The following PCDH7 variants were observed in gnomAD, a reference collection of about 807,000 sequenced individuals.
The protein encoded by PCDH7 is protocadherin-7.
PCDH7 carries 17 observed loss-of-function variants against 58.9 expected under a neutral mutation model. That is an observed-to-expected ratio of 0.29 (90% CI 0.20 to 0.43). The LOEUF is 0.43. Ranked by LOEUF, PCDH7 falls within the 20% of genes least tolerant of loss-of-function variation. PCDH7 has a pLI of 1.00. For synonymous variants in PCDH7, 664 were observed against 616.4 expected, an observed-to-expected ratio of 1.08 and a Z score of -1.14; for missense variants, 1,274 against 1,441.0, an observed-to-expected ratio of 0.88 and a Z score of 1.88.
intron 3 of PCDH7, among the ~76,000 whole-genome samples, chr4:31,103,685 A>C (rs142574798): frequency 6.6e-6 from 1 of 152,062 alleles, no homozygotes; most frequent in Non-Finnish European, 1.5e-5. Context: ...GCTGACTGTC[A>C]CCACTGTCTT....
intron 3 of PCDH7, among the ~76,000 whole-genome samples, chr4:31,121,802 C>G (rs980673787): frequency 6.6e-6 from 1 of 152,046 alleles, no homozygotes; most frequent in Non-Finnish European, 1.5e-5. Context: ...CTTGGTGATT[C>G]ATCTGTAAGG....
chr4:30,983,665 A>G (rs1423429082), intron 3 of PCDH7, among the ~76,000 whole-genome samples: 2 of 152,224 alleles, frequency 1.3e-5, no homozygotes, highest in East Asian at 3.8e-4. Context: ...TATGTGGCTT[A>G]GTACAAATCA....
intron 3 of PCDH7, among the ~76,000 whole-genome samples, chr4:31,079,753 A>G (rs1430372500): frequency 5.3e-5 from 8 of 152,100 alleles, no homozygotes; most frequent in Admixed American, 5.2e-4. Context: ...AACGGTGTTA[A>G]CTGCAGCTTT....
intron 3 of PCDH7, among the ~76,000 whole-genome samples, chr4:31,119,533 G>A (rs550847231): frequency 1.1e-3 from 169 of 152,248 alleles, no homozygotes; most frequent in African/African-American, 3.6e-3. Flanking sequence ...TAGAGCAGGA[G>A]TGAAAGTTTA....
chr4:30,938,535 G>C (rs1474259436), intron 2 of PCDH7, among the ~76,000 whole-genome samples: 1 of 151,644 alleles, frequency 6.6e-6, no homozygotes, highest in Admixed American at 6.6e-5. Context: ...AGCCTTGATA[G>C]GCTAGGCCAA....
intron 1 of PCDH7, among the ~76,000 whole-genome samples, chr4:30,837,130 T>C (rs1447370): frequency 0.035 from 5,247 of 152,084 alleles, 215 homozygotes; most frequent in African/African-American, 0.097. Flanking sequence ...ATTGAATCAA[T>C]GATTGTATGA....
intron 3 of PCDH7, among the ~76,000 whole-genome samples, chr4:31,048,393 C>T (rs1434031717): frequency 6.6e-6 from 1 of 152,064 alleles, no homozygotes; most frequent in Non-Finnish European, 1.5e-5. Context: ...ATAAAGATTA[C>T]ATCCCACTAA....
chr4:31,074,135 A>T (rs1248420940), intron 3 of PCDH7, among the ~76,000 whole-genome samples: 1 of 151,886 alleles, frequency 6.6e-6, no homozygotes, highest in Non-Finnish European at 1.5e-5. Context: ...TGTACTCTGC[A>T]ACCCCAAAAC....
intron 3 of PCDH7, among the ~76,000 whole-genome samples, chr4:30,981,246 A>G (rs1279311351): frequency 6.6e-6 from 1 of 152,198 alleles, no homozygotes; most frequent in East Asian, 1.9e-4. Flanking sequence ...TTATTTGTAG[A>G]TTATTATTGA....
chr4:31,061,787 A>G (rs4438724), intron 3 of PCDH7, among the ~76,000 whole-genome samples: 82,192 of 151,426 alleles, frequency 0.54, 23,407 homozygotes, highest in African/African-American at 0.72. Flanking sequence ...ACTGATTTTC[A>G]TTGAAATGAT....
intron 3 of PCDH7, among the ~76,000 whole-genome samples, chr4:31,126,397 C>T (rs1038021988): frequency 1.2e-4 from 19 of 152,024 alleles, no homozygotes; most frequent in African/African-American, 3.4e-4. Flanking sequence ...TGGCCTTAAG[C>T]GATCTGCTCA....
chr4:30,983,943 G>A (rs1750768281), intron 3 of PCDH7, among the ~76,000 whole-genome samples: 1 of 152,124 alleles, frequency 6.6e-6, no homozygotes, highest in Non-Finnish European at 1.5e-5. Context: ...AAAGGGCTTT[G>A]TGTGAATTTC....
chr4:30,973,779 T>A (rs1430366776), intron 3 of PCDH7, among the ~76,000 whole-genome samples: 1 of 152,072 alleles, frequency 6.6e-6, no homozygotes, highest in African/African-American at 2.4e-5. Context: ...TTGTATTAGT[T>A]TCTATTGTAA....
chr4:30,985,749 A>G (rs550960156), intron 3 of PCDH7, among the ~76,000 whole-genome samples: 4 of 152,264 alleles, frequency 2.6e-5, no homozygotes, highest in Non-Finnish European at 5.9e-5. Flanking sequence ...GAACGTTTAA[A>G]CCTATGACTT....
At chr4:30,932,215 A>G (rs994592462) in intron 2 of PCDH7, among the ~76,000 whole-genome samples, 1 of 152,212 alleles carries the variant, frequency 6.6e-6, no homozygotes, top group Non-Finnish European at 1.5e-5. Context: ...TTCAAATTGT[A>G]TAGTAAAAGG....
intron 1 of PCDH7, chr4:30,776,407 T>G (rs1722075270): frequency 6.6e-6 from 1 of 152,228 alleles, no homozygotes; most frequent in African/African-American, 2.4e-5. Context: ...GTGACAACTT[T>G]GAAAAATTGG....
At chr4:31,040,113 G>A (rs1755730132) in intron 3 of PCDH7, among the ~76,000 whole-genome samples, 3 of 152,138 alleles carry the variant, frequency 2.0e-5, no homozygotes, top group African/African-American at 7.2e-5. Context: ...TTTACATTCA[G>A]TTAAATGCAC....
intron 3 of PCDH7, among the ~76,000 whole-genome samples, chr4:31,009,052 T>A (rs776437388): frequency 1.3e-5 from 2 of 152,108 alleles, no homozygotes; most frequent in Non-Finnish European, 2.9e-5. Context: ...AAAGAGAAAT[T>A]TGGAAAATTA....
intron 2 of PCDH7, among the ~76,000 whole-genome samples, chr4:30,927,794 A>G (rs1744073493): frequency 6.6e-6 from 1 of 151,780 alleles, no homozygotes; most frequent in African/African-American, 2.4e-5. Flanking sequence ...CCTTCCCTCC[A>G]CTATTGTCCT....
Sources: gnomAD v4.1 joint callset for allele counts (sites outside exome capture counted in the v4.1 genomes callset) on GRCh38, gnomAD v4.1.1 for gene constraint, MANE v1.5 for transcripts, NCBI Gene and HGNC (gene_info 2026-07-23, HGNC 2026-07-21) for gene names.